Variants in RERE observed in about 807,000 individuals in gnomAD.
The protein encoded by RERE is arginine-glutamic acid dipeptide repeats protein.
Under a neutral mutation model 146.1 loss-of-function variants are expected in RERE, and 40 were observed. The ratio of observed to expected loss-of-function variants is 0.27; its 90% CI spans 0.21 to 0.36. The LOEUF (loss-of-function observed/expected upper bound fraction) is 0.36, where lower values mean the gene tolerates loss of function less well. Among genes scored for constraint, RERE ranks in the 10% least tolerant of loss-of-function variants. RERE has a pLI of 1.00. For synonymous variants in RERE, 1,003 were observed against 866.0 expected, an observed-to-expected ratio of 1.16 and a Z score of -2.78; for missense variants, 1,933 against 2,138.7, an observed-to-expected ratio of 0.90 and a Z score of 1.90.
At chr1:8,671,780 G>A (rs552165943) in intron 1 of RERE, among the ~76,000 whole-genome samples, 3 of 152,100 alleles carry the variant, frequency 2.0e-5, no homozygotes, top group South Asian at 2.1e-4. Flanking sequence ...TAATGGGTTC[G>A]CTAGTGATAT....
intron 12 of RERE, among the ~76,000 whole-genome samples, chr1:8,391,920 G>A (rs553612079): frequency 6.6e-6 from 1 of 152,244 alleles, no homozygotes; most frequent in Non-Finnish European, 1.5e-5. Flanking sequence ...CCAGCTACTC[G>A]GGAGGATGAG....
chr1:8,707,442 GCT>G (rs1457194045), intron 1 of RERE, among the ~76,000 whole-genome samples: 4 of 151,952 alleles, frequency 2.6e-5, no homozygotes, highest in Admixed American at 6.6e-5. Flanking sequence ...CCACCACTCC[GCT>G]CTGTCACAGC....
intron 1 of RERE, among the ~76,000 whole-genome samples, chr1:8,807,838 G>A (rs557255321): frequency 6.6e-6 from 1 of 152,292 alleles, no homozygotes; most frequent in African/African-American, 2.4e-5. Flanking sequence ...AGGAGGATGA[G>A]AGAGCCCTTG....
At chr1:8,796,489 A>G (rs1455353136) in intron 1 of RERE, 1 of 152,184 alleles carries the variant, frequency 6.6e-6, no homozygotes, top group East Asian at 1.9e-4. Context: ...TTAAGGTAGG[A>G]AAAAAACTTA....
At chr1:8,711,325 A>C (rs1031554987) in intron 1 of RERE, among the ~76,000 whole-genome samples, 6 of 152,204 alleles carry the variant, frequency 3.9e-5, no homozygotes, top group African/African-American at 1.4e-4. Context: ...AACTGTTATG[A>C]CATTAGTCAT....
intron 4 of RERE, among the ~76,000 whole-genome samples, chr1:8,581,983 T>C (rs569867275): frequency 6.6e-6 from 1 of 152,288 alleles, no homozygotes; most frequent in South Asian, 2.1e-4. Context: ...ACTGGAACTG[T>C]TGTGACACTT....
chr1:8,563,371 G>C (rs1480344779), intron 4 of RERE, among the ~76,000 whole-genome samples: 1 of 152,144 alleles, frequency 6.6e-6, no homozygotes, highest in Non-Finnish European at 1.5e-5. Flanking sequence ...CCTTCACACA[G>C]AGGTGGCCTG....
At chr1:8,608,913 T>A (rs1441171078) in intron 4 of RERE, among the ~76,000 whole-genome samples, 1 of 152,074 alleles carries the variant, frequency 6.6e-6, no homozygotes, top group Non-Finnish European at 1.5e-5. Flanking sequence ...TGAAACCCTG[T>A]CTCTACTAAA....
chr1:8,385,994 ATATATAT>A (rs1252523328), intron 12 of RERE, among the ~76,000 whole-genome samples: 4 of 22,188 alleles, frequency 1.8e-4, no homozygotes, highest in Admixed American at 9.4e-4. Flanking sequence ...AAAAAAAAAA[ATATATAT>A]ATATATATAT....
At chr1:8,523,113 C>A (rs1317265639) in intron 7 of RERE, among the ~76,000 whole-genome samples, 1 of 151,992 alleles carries the variant, frequency 6.6e-6, no homozygotes, top group East Asian at 1.9e-4. Flanking sequence ...AGGGAGGTCC[C>A]CAGGGAGGTC....
At chr1:8,794,413 A>T (rs1378759266) in intron 1 of RERE, among the ~76,000 whole-genome samples, 4 of 150,922 alleles carry the variant, frequency 2.7e-5, no homozygotes, top group African/African-American at 9.7e-5. Context: ...ACTAAAAGCT[A>T]ACTCTGGCTC....
intron 7 of RERE, chr1:8,512,006 G>A (rs1223908378): frequency 1.9e-5 from 2 of 104,500 alleles, no homozygotes; most frequent in Non-Finnish European, 3.9e-5. Context: ...CAGCTTGTAG[G>A]AAACACTCTT....
intron 7 of RERE, among the ~76,000 whole-genome samples, chr1:8,509,412 C>T (rs1281829405): frequency 1.0e-5 from 1 of 98,370 alleles, no homozygotes; most frequent in Non-Finnish European, 2.3e-5. Flanking sequence ...ATCCATCCAT[C>T]CATCCATCCA....
At chr1:8,801,259 C>T (rs1179205772) in intron 1 of RERE, among the ~76,000 whole-genome samples, 6 of 123,356 alleles carry the variant, frequency 4.9e-5, no homozygotes, top group Admixed American at 4.8e-4. Flanking sequence ...GACCCTGTCT[C>T]AAAAAAAATT....
chr1:8,537,131 TA>T (rs937964503), intron 7 of RERE, among the ~76,000 whole-genome samples: 1 of 152,032 alleles, frequency 6.6e-6, no homozygotes, highest in Non-Finnish European at 1.5e-5. Flanking sequence ...CTGAGCCAGG[TA>T]AGTTGAGGCT....
At chr1:8,654,811 T>A (rs1370698120) in intron 2 of RERE, among the ~76,000 whole-genome samples, 1 of 151,870 alleles carries the variant, frequency 6.6e-6, no homozygotes, top group South Asian at 2.1e-4. Context: ...TTTGTAAAAA[T>A]TTTTTGTAAA....
chr1:8,777,832 G>T (rs1641096967), intron 1 of RERE, among the ~76,000 whole-genome samples: 1 of 150,262 alleles, frequency 6.7e-6, no homozygotes, highest in Admixed American at 6.6e-5. Context: ...ACCGTGCCCG[G>T]CCCCAAAGTG....
intron 11 of RERE, among the ~76,000 whole-genome samples, chr1:8,427,186 CTGGGCTAGGGTGGTCACAG>C (rs1487038182): frequency 1.3e-5 from 2 of 152,234 alleles, no homozygotes; most frequent in Admixed American, 1.3e-4. Flanking sequence ...TGCTGAGGGC[CTGGGCTAGGGTGGTCACAG>C]TGGAAATGGA....
chr1:8,763,348 T>G (rs1462727724), intron 1 of RERE, among the ~76,000 whole-genome samples: 3 of 152,148 alleles, frequency 2.0e-5, no homozygotes, highest in Non-Finnish European at 4.4e-5. Context: ...AAAAATGATG[T>G]CCAGCTGGGC....
Sources: allele counts gnomAD v4.1 joint callset (sites outside exome capture counted in the v4.1 genomes callset), GRCh38; gene constraint gnomAD v4.1.1; transcripts MANE v1.5; gene names NCBI Gene and HGNC (gene_info 2026-07-23, HGNC 2026-07-21).